The following UBE2G1 variants were observed in gnomAD, a reference collection of about 807,000 sequenced individuals.
The protein encoded by UBE2G1 is ubiquitin-conjugating enzyme E2 G1.
Under a neutral mutation model 22.7 loss-of-function variants are expected in UBE2G1, and 5 were observed. The ratio of observed to expected loss-of-function variants is 0.22; its 90% confidence interval spans 0.12 to 0.46. UBE2G1 has a LOEUF of 0.46. UBE2G1 is among the 20% of genes least tolerant of loss of function. UBE2G1 has a pLI of 0.99. For missense variants in UBE2G1, 88 were observed against 203.9 expected, an observed-to-expected ratio of 0.43 and a Z score of 3.46; for synonymous variants, 74 against 67.5, an observed-to-expected ratio of 1.10 and a Z score of -0.47.
rs554722358 is a variant in UBE2G1 at position 4,353,349 on chromosome 17, G to A, written c.46+12922C>T. Reference sequence around the variant, plus strand: ...AAGAAAAATATGTAAGAAGGGGGAAGAATGTGTATAATATTGTGGTGAAGT... The same window carrying A: ...AAGAAAAATATGTAAGAAGGGGGAAAAATGTGTATAATATTGTGGTGAAGT... On this transcript the variant is annotated intron_variant, in intron 1 of 5. Coordinates refer to ENST00000396981, the MANE Select transcript of UBE2G1 (RefSeq NM_003342.5). Among the ~76,000 whole-genome samples the A allele has an allele frequency of 1.3e-4, 20 of 151,886 alleles. 1 individual carries two copies. The highest frequency in any genetic ancestry group is 1.0e-3 in the South Asian group (5 of 4,818).
chr17:4,286,149 A>C (rs1299152967), intron 4 of UBE2G1, among the ~76,000 whole-genome samples: 1 of 152,196 alleles, frequency 6.6e-6, no homozygotes, highest in East Asian at 1.9e-4. Flanking sequence ...TCACACCTGT[A>C]ATCCCAACAC....
chr17:4,329,114 A>G (rs1254656221), intron 1 of UBE2G1, among the ~76,000 whole-genome samples: 2 of 106,596 alleles, frequency 1.9e-5, no homozygotes, highest in African/African-American at 6.4e-5. Flanking sequence ...AAAAAGAAAA[A>G]AAAAAAAAAA....
chr17:4,313,924 C>T (rs1476725541), intron 1 of UBE2G1, among the ~76,000 whole-genome samples: 1 of 152,074 alleles, frequency 6.6e-6, no homozygotes, highest in Non-Finnish European at 1.5e-5. Flanking sequence ...AGAGTAATGA[C>T]TTCTATGTGT....
chr17:4,363,072 G>A (rs755164197), intron 1 of UBE2G1, among the ~76,000 whole-genome samples: 4 of 152,150 alleles, frequency 2.6e-5, no homozygotes, highest in Non-Finnish European at 4.4e-5. Flanking sequence ...CGTCAGCCAA[G>A]ATCTCGCCAC....
chr17:4,297,745 T>C (rs980995030), intron 2 of UBE2G1, among the ~76,000 whole-genome samples: 1 of 152,218 alleles, frequency 6.6e-6, no homozygotes, highest in South Asian at 2.1e-4. Flanking sequence ...AAGATTTTAT[T>C]TGACTAAAAT....
intron 1 of UBE2G1, among the ~76,000 whole-genome samples, chr17:4,364,796 G>A (rs1970013659): frequency 6.7e-6 from 1 of 148,700 alleles, no homozygotes; most frequent in Admixed American, 6.8e-5. Context: ...TGGCCAGGCT[G>A]GCCCTGAACT....
At chr17:4,343,086 A>G (rs1113856) in intron 1 of UBE2G1, among the ~76,000 whole-genome samples, 12,688 of 152,136 alleles carry the variant, frequency 0.083, 1,777 homozygotes, top group African/African-American at 0.29. Context: ...CTGTCTTCCC[A>G]CAATAACTGC....
chr17:4,273,109 T>C (rs1968779658), intron 5 of UBE2G1, among the ~76,000 whole-genome samples: 1 of 152,240 alleles, frequency 6.6e-6, no homozygotes. Context: ...TTCAAATCTG[T>C]TGGCCTCGTA....
At chr17:4,286,360 G>C (rs1053472079) in intron 4 of UBE2G1, among the ~76,000 whole-genome samples, 2 of 149,472 alleles carry the variant, frequency 1.3e-5, no homozygotes, top group African/African-American at 4.9e-5. Context: ...AGCTGAGATT[G>C]TGCCACTGCA....
At chr17:4,326,877 T>C (rs921201360) in intron 1 of UBE2G1, among the ~76,000 whole-genome samples, 6 of 152,238 alleles carry the variant, frequency 3.9e-5, no homozygotes, top group African/African-American at 1.2e-4. Context: ...TGAAAATACC[T>C]TGCAGCCAGG....
At chr17:4,313,723 C>T (rs1013948942) in intron 1 of UBE2G1, among the ~76,000 whole-genome samples, 8 of 152,010 alleles carry the variant, frequency 5.3e-5, no homozygotes, top group South Asian at 4.2e-4. Flanking sequence ...AGAGGCATGC[C>T]GTCCGTAATA....
chr17:4,320,944 G>T (rs914395855), intron 1 of UBE2G1, among the ~76,000 whole-genome samples: 11 of 151,912 alleles, frequency 7.2e-5, no homozygotes, highest in Non-Finnish European at 1.5e-4. Context: ...GTAAAAAAAA[G>T]AAATTATGAA....
chr17:4,331,461 A>C (rs1253452218), intron 1 of UBE2G1, among the ~76,000 whole-genome samples: 2 of 152,202 alleles, frequency 1.3e-5, no homozygotes. Context: ...GGAAATATTT[A>C]CAATTTTTAA....
At chr17:4,333,609 CAGG>C (rs1231187690) in intron 1 of UBE2G1, among the ~76,000 whole-genome samples, 1 of 152,058 alleles carries the variant, frequency 6.6e-6, no homozygotes, top group Non-Finnish European at 1.5e-5. Context: ...ATCACAGGGT[CAGG>C]AGATCGAGAC....
In UBE2G1 at chr17:4,271,700, G is replaced by A. The variant is rs1224592712; in HGVS notation, c.*854C>T. The A allele has an allele frequency of 1.3e-5, 2 of 149,244 alleles. No individual in the cohort carries two copies. The highest frequency in any genetic ancestry group is 5.0e-5 in the African/African-American group (2 of 40,188). The allele number at this position is 149,244 out of a possible 1,614,324, so 9.2% of individuals were successfully genotyped here. ...CCAACCTTAATACCAGGCAACTGAA[G>A]AGGGAAAAGTCAGATTTGCTATTGT... On this transcript the variant is annotated 3_prime_UTR_variant, in exon 6 of 6. Transcript: ENST00000396981.
rs1223872813 is a variant in UBE2G1, at chr17:4,269,674, C to CA, written c.*2879dup. 5.4e-6 allele frequency: 1 copy of CA among 186,128 alleles called. No homozygotes were observed. Among genetic ancestry groups the CA allele is most frequent in the African/African-American group, 2.4e-5 (1 of 41,544 alleles). 11.5% of individuals were successfully genotyped at this position (186,128 alleles called of 1,614,324 possible). ...GTCAACCTCATATGGATTTTAAACTCAAAAAAGAGGCCAGAAAGCCACTCA... is the reference window on the plus strand; with the variant it reads ...GTCAACCTCATATGGATTTTAAACTCAAAAAAAGAGGCCAGAAAGCCACTCA... On this transcript the variant is annotated 3_prime_UTR_variant, in exon 6 of 6. Coordinates refer to ENST00000396981, the MANE Select transcript of UBE2G1 (RefSeq NM_003342.5).
intron 1 of UBE2G1, among the ~76,000 whole-genome samples, chr17:4,312,472 G>A (rs1248234353): frequency 1.3e-5 from 2 of 151,824 alleles, no homozygotes; most frequent in African/African-American, 2.4e-5. Flanking sequence ...CGAGGCAGGC[G>A]GATCACGAGG....
At chr17:4,350,748 T>A (rs918220603) in intron 1 of UBE2G1, among the ~76,000 whole-genome samples, 1 of 152,144 alleles carries the variant, frequency 6.6e-6, no homozygotes, top group Admixed American at 6.6e-5. Context: ...AAAAATAGTA[T>A]GAGGCTGGAC....
At chr17:4,362,316 T>C (rs1361569373) in intron 1 of UBE2G1, among the ~76,000 whole-genome samples, 1 of 152,198 alleles carries the variant, frequency 6.6e-6, no homozygotes, top group Admixed American at 6.5e-5. Flanking sequence ...TGAAACATTT[T>C]AACTCAGTAA....
Sources: gnomAD v4.1 joint callset for allele counts (sites outside exome capture counted in the v4.1 genomes callset) on GRCh38, gnomAD v4.1.1 for gene constraint, MANE v1.5 for transcripts, NCBI Gene and HGNC (gene_info 2026-07-23, HGNC 2026-07-21) for gene names.